Variants in PTPRD observed in about 807,000 individuals in gnomAD.
PTPRD encodes protein tyrosine phosphatase receptor type D, also known as receptor-type tyrosine-protein phosphatase delta.
Under a neutral mutation model 214.5 loss-of-function variants are expected in PTPRD, and 34 were observed. That is an observed-to-expected ratio of 0.16 (90% CI 0.12 to 0.21). The LOEUF (loss-of-function observed/expected upper bound fraction) is 0.21. Ranked by LOEUF, PTPRD falls within the 10% of genes least tolerant of loss-of-function variation. The pLI, the probability that PTPRD is intolerant of heterozygous loss-of-function variation, is 1.00. For synonymous variants in PTPRD, 1,128 were observed against 845.7 expected (o/e 1.33, Z -5.79); for missense variants, 2,545 against 2,398.7 (o/e 1.06, Z -1.27).
chr9:10,403,793 G>T lies in PTPRD; in HGVS notation c.-599-62776C>A, dbSNP rs546157180. On this transcript the variant is annotated intron_variant, in intron 2 of 45. Transcript: ENST00000381196. ...TGTAACTATATGACATTCCGGAAAAGGCGAAACTGTGGAGACAGTTAAAAG... is the reference window on the plus strand; with the variant it reads ...TGTAACTATATGACATTCCGGAAAATGCGAAACTGTGGAGACAGTTAAAAG... Among the ~76,000 whole-genome samples, 3 of 151,830 alleles carry T rather than the reference G, an allele frequency of 2.0e-5. No homozygotes were observed. In the South Asian group the frequency reaches 6.2e-4, roughly 31 times the overall value.
chr9:9,878,412 C>A (rs2067556616), intron 5 of PTPRD, among the ~76,000 whole-genome samples: 1 of 152,120 alleles, frequency 6.6e-6, no homozygotes, highest in Admixed American at 6.6e-5. Flanking sequence ...GGACAGCATA[C>A]TGAGGGGACA....
chr9:9,360,948 T>A (rs1193156873), intron 9 of PTPRD, among the ~76,000 whole-genome samples: 2 of 151,102 alleles, frequency 1.3e-5, no homozygotes, highest in African/African-American at 4.8e-5. Context: ...TAAATTCTAC[T>A]AAAACGATGT....
chr9:8,603,669 AGTT>A (rs2095018297), intron 14 of PTPRD, among the ~76,000 whole-genome samples: 1 of 152,212 alleles, frequency 6.6e-6, no homozygotes, highest in Admixed American at 6.5e-5. Context: ...ATCCAACTAT[AGTT>A]GTTACTTATA....
intron 8 of PTPRD, among the ~76,000 whole-genome samples, chr9:9,429,136 T>G (rs1569568250): frequency 6.6e-6 from 1 of 151,582 alleles, no homozygotes; most frequent in Non-Finnish European, 1.5e-5. Flanking sequence ...AAAAGATCAA[T>G]GAAATTGATA....
At chr9:9,254,203 G>C (rs1450437465) in intron 9 of PTPRD, among the ~76,000 whole-genome samples, 1 of 151,998 alleles carries the variant, frequency 6.6e-6, no homozygotes, top group Non-Finnish European at 1.5e-5. Context: ...TATGGGGGCG[G>C]GGCGGGGCAC....
chr9:8,608,986 C>CA (rs2095343703), intron 14 of PTPRD, among the ~76,000 whole-genome samples: 1 of 152,166 alleles, frequency 6.6e-6, no homozygotes, highest in Admixed American at 6.5e-5. Context: ...ACAGGCTTCT[C>CA]AGTGTTTCCC....
Position 10,155,594 on chromosome 9 carries a change from C to T in PTPRD, c.-544-121804G>A, listed in dbSNP as rs544262085. 3.1e-4 allele frequency among the ~76,000 whole-genome samples: 47 copies of T among 151,954 alleles called. 2 individuals are homozygous for T. The South Asian group carries it at 8.5e-3, about 28-fold the overall frequency. Reference sequence around the variant, plus strand: ...ACGTTGGCTGTGTGTTTGTCATAAACGACTTATTATTTTGAGGTATGTTTC... The same window carrying T: ...ACGTTGGCTGTGTGTTTGTCATAAATGACTTATTATTTTGAGGTATGTTTC... On this transcript the variant is annotated intron_variant, in intron 3 of 45. Coordinates refer to ENST00000381196, the MANE Select transcript of PTPRD (RefSeq NM_002839.4).
At chr9:9,464,538 T>A (rs1261221738) in intron 8 of PTPRD, among the ~76,000 whole-genome samples, 3 of 152,182 alleles carry the variant, frequency 2.0e-5, no homozygotes, top group Admixed American at 1.3e-4. Flanking sequence ...GCCTGAAGTC[T>A]AACACAGCAT....
chr9:8,354,544 C>G (rs993734344), intron 39 of PTPRD, among the ~76,000 whole-genome samples: 1 of 152,128 alleles, frequency 6.6e-6, no homozygotes, highest in African/African-American at 2.4e-5. Flanking sequence ...ATCATTGAAC[C>G]TCAGTTTCTA....
chr9:9,125,101 A>T (rs1450789508), intron 10 of PTPRD, among the ~76,000 whole-genome samples: 1 of 152,134 alleles, frequency 6.6e-6, no homozygotes, highest in Non-Finnish European at 1.5e-5. Context: ...GACAAATGTA[A>T]AAAGAAAAAA....
intron 12 of PTPRD, among the ~76,000 whole-genome samples, chr9:8,660,083 T>C (rs999803923): frequency 2.0e-5 from 3 of 152,188 alleles, no homozygotes; most frequent in Non-Finnish European, 2.9e-5. Context: ...TCCTAATGAA[T>C]TGCAAATGTG....
intron 8 of PTPRD, among the ~76,000 whole-genome samples, chr9:9,448,411 G>T (rs181635464): frequency 9.7e-4 from 147 of 152,036 alleles, no homozygotes; most frequent in Middle Eastern, 3.4e-3. Flanking sequence ...GAGATCTGAT[G>T]GTTTCCTAAG....
rs2099956288 is a variant in PTPRD at position 9,221,858 on chromosome 9, C to T, written c.-202-38495G>A. ...GGCATGATGTTGCACAAACGCTGTA[C>T]CTAAACAAGAAATACAGTCATCACT... On this transcript the variant is annotated intron_variant, in intron 9 of 45. Transcript: ENST00000381196. Among the ~76,000 whole-genome samples, 3 of 151,944 alleles carry T rather than the reference C, an allele frequency of 2.0e-5. No homozygotes were observed. In the South Asian group the frequency reaches 6.2e-4, roughly 31 times the overall value.
intron 7 of PTPRD, among the ~76,000 whole-genome samples, chr9:9,578,656 T>C (rs933746242): frequency 1.7e-4 from 26 of 152,246 alleles, no homozygotes; most frequent in African/African-American, 6.0e-4. Context: ...AGTACTGTAA[T>C]AGGATTTCTA....
At chr9:8,899,817 C>T (rs2098651959) in intron 11 of PTPRD, among the ~76,000 whole-genome samples, 2 of 152,096 alleles carry the variant, frequency 1.3e-5, no homozygotes, top group Non-Finnish European at 2.9e-5. Flanking sequence ...GGCATGTTGC[C>T]TTTGAGAGTA....
intron 9 of PTPRD, among the ~76,000 whole-genome samples, chr9:9,239,894 G>T (rs1235802839): frequency 6.6e-6 from 1 of 152,094 alleles, no homozygotes; most frequent in Non-Finnish European, 1.5e-5. Flanking sequence ...AGGCACACTG[G>T]GCACCATCTG....
intron 2 of PTPRD, among the ~76,000 whole-genome samples, chr9:10,598,703 TG>T (rs56352642): frequency 7.4e-5 from 6 of 81,142 alleles, no homozygotes; most frequent in Non-Finnish European, 1.5e-4. Flanking sequence ...TGTGTGTGTG[TG>T]GTGTGTGGTG....
intron 14 of PTPRD, among the ~76,000 whole-genome samples, chr9:8,585,362 C>T (rs899966270): frequency 6.6e-6 from 1 of 152,096 alleles, no homozygotes; most frequent in Non-Finnish European, 1.5e-5. Context: ...TTTCCTGATG[C>T]CCTGGTTCTG....
At chr9:9,660,395 A>C (rs1358226805) in intron 7 of PTPRD, among the ~76,000 whole-genome samples, 2 of 152,000 alleles carry the variant, frequency 1.3e-5, no homozygotes, top group African/African-American at 4.8e-5. Flanking sequence ...AGCTACAGCC[A>C]AGTATGAGAT....
Sources: allele counts gnomAD v4.1 joint callset (sites outside exome capture counted in the v4.1 genomes callset), GRCh38; gene constraint gnomAD v4.1.1; transcripts MANE v1.5; gene names NCBI Gene and HGNC (gene_info 2026-07-23, HGNC 2026-07-21).